RSPO3: variants seen among roughly 807,000 people sequenced by gnomAD.
RSPO3 encodes R-spondin 3.
RSPO3 carries 17 observed loss-of-function variants against 36.5 expected under a neutral mutation model. The ratio of observed to expected loss-of-function variants is 0.47; its 90% CI spans 0.32 to 0.70. RSPO3 has a LOEUF of 0.70. Ranked by LOEUF, RSPO3 falls within the 30% of genes least tolerant of loss-of-function variation. The pLI, the probability that RSPO3 is intolerant of heterozygous loss-of-function variation, is 0.04. For synonymous variants in RSPO3, 108 were observed against 107.0 expected (o/e 1.01, Z -0.06); for missense variants, 294 against 322.5 (o/e 0.91, Z 0.68).
At chr6:127,121,120 C>A (rs1175506774) in intron 1 of RSPO3, among the ~76,000 whole-genome samples, 1 of 152,232 alleles carries the variant, frequency 6.6e-6, no homozygotes, top group Non-Finnish European at 1.5e-5. Context: ...CGAGGACCCC[C>A]GGGCTGGGAG....
chr6:127,134,769 C>A (rs1394404572), intron 1 of RSPO3, among the ~76,000 whole-genome samples: 1 of 152,140 alleles, frequency 6.6e-6, no homozygotes, highest in Non-Finnish European at 1.5e-5. Context: ...GGAACCTTCA[C>A]AACAATTTCA....
chr6:127,120,738 A>G (rs1398248107), intron 1 of RSPO3, among the ~76,000 whole-genome samples: 1 of 152,278 alleles, frequency 6.6e-6, no homozygotes, highest in Admixed American at 6.5e-5. Flanking sequence ...TGGCAGTGCC[A>G]GAGCGACAGG....
At chr6:127,189,138 C>A (rs534033006) in intron 4 of RSPO3, among the ~76,000 whole-genome samples, 1 of 152,032 alleles carries the variant, frequency 6.6e-6, no homozygotes, top group Admixed American at 6.6e-5. Context: ...TATAATTATT[C>A]TTACTATTTT....
At chr6:127,157,631 A>T (rs1423685958) in intron 4 of RSPO3, among the ~76,000 whole-genome samples, 1 of 152,106 alleles carries the variant, frequency 6.6e-6, no homozygotes. Context: ...AGTTTATACA[A>T]CTAGAAAATG....
intron 2 of RSPO3, among the ~76,000 whole-genome samples, chr6:127,149,614 C>G (rs1453251445): frequency 6.6e-6 from 1 of 151,998 alleles, no homozygotes; most frequent in African/African-American, 2.4e-5. Flanking sequence ...AGCCTGTTCC[C>G]CTTGTCAACC....
At chr6:127,174,504 G>T (rs903767109) in intron 4 of RSPO3, among the ~76,000 whole-genome samples, 3 of 151,736 alleles carry the variant, frequency 2.0e-5, no homozygotes, top group Non-Finnish European at 4.4e-5. Context: ...TTAAAATCAG[G>T]GTAATAGATA....
chr6:127,120,080 G>A (rs188248927), intron 1 of RSPO3: 2 of 152,510 alleles, frequency 1.3e-5, no homozygotes, highest in African/African-American at 2.4e-5. Context: ...TCTCCCTAAA[G>A]ATTCGCCTCC....
At chr6:127,187,443 G>A (rs750656532) in intron 4 of RSPO3, among the ~76,000 whole-genome samples, 1 of 151,832 alleles carries the variant, frequency 6.6e-6, no homozygotes, top group African/African-American at 2.4e-5. Context: ...TGAATTTCAC[G>A]GCAAAAGTAA....
chr6:127,120,929 G>A (rs1773831411), intron 1 of RSPO3, among the ~76,000 whole-genome samples: 1 of 152,276 alleles, frequency 6.6e-6, no homozygotes, highest in Non-Finnish European at 1.5e-5. Context: ...GGGTTCAGCG[G>A]TGTCCACGCG....
At position 127,197,386 on chromosome 6, in the gene RSPO3, T is replaced by G. The variant is rs779089857; in HGVS notation, c.*1379T>G. ...ATCCCCCTGCATCTTCAACATTTAG[T>G]CTTTTCTTCTCCATATTTTCTATCT... On this transcript the variant is annotated 3_prime_UTR_variant, in exon 5 of 5. Coordinates refer to ENST00000356698, the MANE Select transcript of RSPO3 (RefSeq NM_032784.5). 1.4e-5 allele frequency: 22 copies of G among 1,549,164 alleles called. No individual in the cohort carries two copies. Among genetic ancestry groups the G allele is most frequent in the Non-Finnish European group, 1.7e-5 (19 of 1,146,420 alleles).
At chr6:127,146,768 T>C (rs1344968263) in intron 1 of RSPO3, among the ~76,000 whole-genome samples, 3 of 152,172 alleles carry the variant, frequency 2.0e-5, no homozygotes, top group Non-Finnish European at 2.9e-5. Context: ...TCCACTCTTC[T>C]ATAGACAATT....
At chr6:127,134,576 T>G (rs2114554659) in intron 1 of RSPO3, among the ~76,000 whole-genome samples, 1 of 152,312 alleles carries the variant, frequency 6.6e-6, no homozygotes, top group South Asian at 2.1e-4. Context: ...TTATTTGGAT[T>G]CTTATGTAAC....
intron 4 of RSPO3, among the ~76,000 whole-genome samples, chr6:127,172,607 G>T (rs571388745): frequency 2.0e-4 from 31 of 151,564 alleles, no homozygotes; most frequent in Non-Finnish European, 3.8e-4. Flanking sequence ...TATTCGCTTG[G>T]GCTATATGTC....
intron 1 of RSPO3, among the ~76,000 whole-genome samples, chr6:127,136,561 T>C (rs1334025427): frequency 1.3e-5 from 2 of 152,170 alleles, no homozygotes; most frequent in Non-Finnish European, 2.9e-5. Flanking sequence ...CACTTTCTCA[T>C]CGTCTTATTT....
intron 1 of RSPO3, among the ~76,000 whole-genome samples, chr6:127,126,744 AT>A (rs1562239395): frequency 6.6e-6 from 1 of 152,134 alleles, no homozygotes; most frequent in Non-Finnish European, 1.5e-5. Context: ...TGCTCTCTTA[AT>A]ATAAGAGAAT....
chr6:127,177,095 A>G (rs1184008536), intron 4 of RSPO3, among the ~76,000 whole-genome samples: 2 of 151,842 alleles, frequency 1.3e-5, no homozygotes, highest in African/African-American at 2.4e-5. Flanking sequence ...CTGATGGCCC[A>G]TGAAAGAGAC....
chr6:127,150,248 A>G (rs1198697795), intron 2 of RSPO3, among the ~76,000 whole-genome samples, 178 bp from the exon 3 acceptor site: 1 of 151,848 alleles, frequency 6.6e-6, no homozygotes, highest in Admixed American at 6.6e-5. Context: ...TCAATAACCA[A>G]TGTACCTCAA....
In RSPO3 at chr6:127,197,295, C is replaced by CT. The variant is rs1487709242; in HGVS notation, c.*1289dup. On this transcript the variant is annotated 3_prime_UTR_variant, in exon 5 of 5. Transcript: ENST00000356698. ...ACATTCTAATTATAGACACATGGGCCTCCCTAGCTGATTTCACTGCTCCCC... is the reference window on the plus strand; with the variant it reads ...ACATTCTAATTATAGACACATGGGCCTTCCCTAGCTGATTTCACTGCTCCCC... The CT allele has an allele frequency of 8.8e-7, 1 of 1,133,318 alleles. No individual in the cohort carries two copies. Among genetic ancestry groups the CT allele is most frequent in the Admixed American group, 2.6e-5 (1 of 37,874 alleles). 70.2% of individuals were successfully genotyped at this position (1,133,318 alleles called of 1,614,324 possible).
chr6:127,142,089 C>A (rs1248689424), intron 1 of RSPO3, among the ~76,000 whole-genome samples: 1 of 152,072 alleles, frequency 6.6e-6, no homozygotes, highest in Non-Finnish European at 1.5e-5. Flanking sequence ...ACATGTGGTT[C>A]TTTCAATAAG....
Sources: gnomAD v4.1 joint callset for allele counts (sites outside exome capture counted in the v4.1 genomes callset) on GRCh38, gnomAD v4.1.1 for gene constraint, MANE v1.5 for transcripts, NCBI Gene and HGNC (gene_info 2026-07-23, HGNC 2026-07-21) for gene names.